Variants in MOSMO observed in about 807,000 individuals in gnomAD.
MOSMO encodes modulator of smoothened.
In MOSMO, 5 loss-of-function variants were observed where a neutral mutation model predicts 18.4. That is an observed-to-expected ratio of 0.27 (90% CI 0.14 to 0.57). MOSMO has a LOEUF of 0.57. Ranked by LOEUF, MOSMO falls within the 20% of genes least tolerant of loss-of-function variation. The pLI, the probability that MOSMO is intolerant of heterozygous loss-of-function variation, is 0.92. For missense variants in MOSMO, 138 were observed against 211.8 expected, an observed-to-expected ratio of 0.65 and a Z score of 2.16; for synonymous variants, 82 against 82.3, an observed-to-expected ratio of 1.00 and a Z score of 0.02.
At chr16:22,062,307 C>CT (rs546549658) in intron 1 of MOSMO, among the ~76,000 whole-genome samples, 4 of 151,670 alleles carry the variant, frequency 2.6e-5, no homozygotes, top group African/African-American at 4.8e-5. Flanking sequence ...TCTCTTATTT[C>CT]TTTTTTTTCT....
At chr16:22,051,397 G>A (rs1900424168) in intron 1 of MOSMO, among the ~76,000 whole-genome samples, 1 of 151,016 alleles carries the variant, frequency 6.6e-6, no homozygotes, top group Non-Finnish European at 1.5e-5. Flanking sequence ...AAAAAAAAAA[G>A]GACTCTACAG....
At chr16:22,066,164 A>T (rs946908812) in intron 1 of MOSMO, among the ~76,000 whole-genome samples, 1 of 152,188 alleles carries the variant, frequency 6.6e-6, no homozygotes, top group Non-Finnish European at 1.5e-5. Context: ...CCCCATCCCC[A>T]GAGAATTGTC....
At chr16:22,084,925 C>T (rs903600457), downstream of MOSMO, among the ~76,000 whole-genome samples, 2 of 152,200 alleles carry the variant, frequency 1.3e-5, no homozygotes, top group African/African-American at 4.8e-5. Context: ...GCTTTCCCTT[C>T]TGCGTCATGC....
At chr16:22,078,803 G>A (rs1202530381) in intron 2 of MOSMO, among the ~76,000 whole-genome samples, 1 of 152,148 alleles carries the variant, frequency 6.6e-6, no homozygotes, top group Non-Finnish European at 1.5e-5. Context: ...ATTGGTGACA[G>A]ACAACACTGA....
At chr16:22,079,495 C>T (rs1440441184) in intron 2 of MOSMO, among the ~76,000 whole-genome samples, 1 of 152,192 alleles carries the variant, frequency 6.6e-6, no homozygotes, top group Non-Finnish European at 1.5e-5. Flanking sequence ...AGGGAGCAGG[C>T]CATTTGCTGA....
At chr16:22,029,787 C>T (rs1319012070) in intron 1 of MOSMO, among the ~76,000 whole-genome samples, 1 of 151,996 alleles carries the variant, frequency 6.6e-6, no homozygotes, top group African/African-American at 2.4e-5. Context: ...ACTACCATGC[C>T]CAGCTAATTA....
intron 1 of MOSMO, among the ~76,000 whole-genome samples, chr16:22,028,557 G>T (rs1351840479): frequency 6.6e-6 from 1 of 151,914 alleles, no homozygotes; most frequent in African/African-American, 2.4e-5. Context: ...AAAAAGAGAG[G>T]ATCTTAACAT....
At chr16:22,080,148 A>G (rs954273323) in intron 2 of MOSMO, among the ~76,000 whole-genome samples, 1 of 152,162 alleles carries the variant, frequency 6.6e-6, no homozygotes, top group African/African-American at 2.4e-5. Flanking sequence ...CTTTTCTCCA[A>G]TTCCTTCTCA....
downstream of MOSMO, chr16:22,092,110 G>A (rs1002033430): frequency 6.6e-6 from 1 of 152,528 alleles, no homozygotes; most frequent in African/African-American, 2.4e-5. Context: ...AGGTTTAGGT[G>A]GGGCTGGACC....
chr16:22,081,108 A>C lies in MOSMO; in HGVS notation c.*228A>C, dbSNP rs560210721. 7.0e-4 allele frequency: 166 copies of C among 236,358 alleles called. No individual in the cohort carries two copies. The highest frequency in any genetic ancestry group is 1.2e-3 in the Non-Finnish European group (141 of 122,132). The allele number at this position is 236,358 out of a possible 1,614,324, so 14.6% of individuals were successfully genotyped here. On this transcript the variant is annotated 3_prime_UTR_variant, in exon 3 of 3. Transcript: ENST00000542527. Reference sequence around the variant, plus strand: ...GAGAGCCTTTTCCATAACCAAATACAGACAATATTGACTAAATCTCCTGAG... The same window carrying C: ...GAGAGCCTTTTCCATAACCAAATACCGACAATATTGACTAAATCTCCTGAG...
chr16:22,019,880 C>G (rs1299301414), intron 1 of MOSMO, among the ~76,000 whole-genome samples: 2 of 152,108 alleles, frequency 1.3e-5, no homozygotes, highest in Non-Finnish European at 2.9e-5. Flanking sequence ...ATCAAATTAG[C>G]TGCATATCCA....
At chr16:22,040,657 T>A (rs1287763999) in intron 1 of MOSMO, among the ~76,000 whole-genome samples, 1 of 152,182 alleles carries the variant, frequency 6.6e-6, no homozygotes, top group Non-Finnish European at 1.5e-5. Flanking sequence ...GAAGGTTACA[T>A]GTAAGATACA....
intron 1 of MOSMO, among the ~76,000 whole-genome samples, chr16:22,028,889 G>T (rs1053207770): frequency 6.6e-6 from 1 of 151,948 alleles, no homozygotes; most frequent in Non-Finnish European, 1.5e-5. Context: ...TATTTATTTT[G>T]AGATGGAGTT....
chr16:22,010,949 G>A (rs1397127048), intron 1 of MOSMO, among the ~76,000 whole-genome samples: 3 of 150,078 alleles, frequency 2.0e-5, no homozygotes, highest in African/African-American at 4.9e-5. Context: ...AAAAAAAAAA[G>A]GGCAAGCTCC....
chr16:22,019,834 C>G (rs2141984017), intron 1 of MOSMO, among the ~76,000 whole-genome samples: 1 of 152,230 alleles, frequency 6.6e-6, no homozygotes, highest in South Asian at 2.1e-4. Context: ...CCAGTCTTAT[C>G]TCATTTTCAC....
intron 1 of MOSMO, among the ~76,000 whole-genome samples, chr16:22,054,065 A>G (rs1056779539): frequency 1.3e-5 from 2 of 151,540 alleles, no homozygotes; most frequent in Non-Finnish European, 2.9e-5. Context: ...GTTTTGCCAA[A>G]CCATATAAGA....
rs72336979 is a variant in MOSMO at position 22,023,997 on chromosome 16, T to TTATATATA, written c.106+15602_106+15609dup. 2.5e-3 allele frequency among the ~76,000 whole-genome samples: 312 copies of TTATATATA among 126,356 alleles called. 5 individuals are homozygous for TTATATATA. Among genetic ancestry groups the TTATATATA allele is most frequent in the African/African-American group, 5.9e-3 (161 of 27,172 alleles). 82.9% of individuals were successfully genotyped at this position (126,356 alleles called of 152,430 possible). ...ATGCTGCTATAGAATTTTGTACAAA[T>TTATATATA]TATATATATATATATATATTTTCTT... On this transcript the variant is annotated intron_variant, in intron 1 of 2. Coordinates refer to ENST00000542527, the MANE Select transcript of MOSMO (RefSeq NM_001164579.2).
chr16:22,043,392 T>G (rs903084996), intron 1 of MOSMO, among the ~76,000 whole-genome samples: 4 of 152,210 alleles, frequency 2.6e-5, no homozygotes, highest in African/African-American at 9.7e-5. Flanking sequence ...ATAGGGATTA[T>G]TTTTCCTTAA....
chr16:22,009,749 A>G (rs1899479986), intron 1 of MOSMO, among the ~76,000 whole-genome samples: 1 of 134,146 alleles, frequency 7.5e-6, no homozygotes, highest in Non-Finnish European at 1.5e-5. Flanking sequence ...TCAGGAGGTC[A>G]GGATTTCGAA....
Sources: gnomAD v4.1 joint callset for allele counts (sites outside exome capture counted in the v4.1 genomes callset) on GRCh38, gnomAD v4.1.1 for gene constraint, MANE v1.5 for transcripts, NCBI Gene and HGNC (gene_info 2026-07-23, HGNC 2026-07-21) for gene names.